Variants in MGAM observed in about 807,000 individuals in gnomAD.
MGAM encodes maltase-glucoamylase, also known as alpha-1,4-glucosidase.
In MGAM, 253 loss-of-function variants were observed where a neutral mutation model predicts 358.8. The ratio of observed to expected loss-of-function variants is 0.71; its 90% CI spans 0.64 to 0.78. MGAM has a LOEUF of 0.78. Among genes scored for constraint, MGAM ranks in the 30% least tolerant of loss-of-function variants. The pLI is 0.00. For missense variants in MGAM, 3,080 were observed against 3,432.6 expected, an observed-to-expected ratio of 0.90 and a Z score of 2.57; for synonymous variants, 1,105 against 1,227.1, an observed-to-expected ratio of 0.90 and a Z score of 2.08.
Position 142,105,884 on chromosome 7 carries a change from C to T in MGAM, c.8255C>T (p.Thr2752Ile). 3 of 1,608,506 alleles carry T rather than the reference C, an allele frequency of 1.9e-6. No individual in the cohort carries two copies. The highest frequency in any genetic ancestry group is 2.6e-6 in the Non-Finnish European group (3 of 1,175,072). Residue 2752 changes from threonine (T) to isoleucine (I), a missense_variant, in exon 71 of 71, where the codon ACT becomes ATT. Physicochemically the swap from Thr to Ile is moderately conservative, Grantham distance 89. Transcript: ENST00000475668. ...HNFTSLTWIS[T>I]L is the part of the protein sequence containing the mutation. ...TTTACTTCATTGACGTGGATAAGCA[C>T]TCTGTGAATTTTTACAGCAAGATTC...
chr7:142,056,356 G>A (rs1811537359), intron 29 of MGAM, among the ~76,000 whole-genome samples: 1 of 152,112 alleles, frequency 6.6e-6, no homozygotes. Context: ...TATCCTGGAG[G>A]GCAGCTCGTG....
At position 142,094,613 on chromosome 7, in the gene MGAM, G is replaced by A. The variant is rs548437011; in HGVS notation, c.7307-7G>A. On this transcript the variant is annotated splice_region_variant and splice_polypyrimidine_tract_variant and intron_variant, in intron 61 of 70. Coordinates refer to ENST00000475668, the MANE Select transcript of MGAM (RefSeq NM_001365693.1). ...CTGGTGTGACACAGCTGTGCTTCTC[G>A]TTGCAGGCATGATGGAGTTCAGCCT... 14 of 1,609,142 alleles carry A rather than the reference G, an allele frequency of 8.7e-6. No individual in the cohort carries two copies. Among genetic ancestry groups the A allele is most frequent in the East Asian group, 2.2e-5 (1 of 44,720 alleles).
chr7:141,996,949 G>T (rs1055343397), intron 1 of MGAM, among the ~76,000 whole-genome samples: 1 of 151,966 alleles, frequency 6.6e-6, no homozygotes, highest in Non-Finnish European at 1.5e-5. Context: ...GTGATAAATT[G>T]TTGTTGGCCC....
chr7:142,008,560 A>C lies in MGAM; in HGVS notation c.182A>C (p.Asp61Ala). The C allele has an allele frequency of 6.2e-7, 1 of 1,612,752 alleles. No homozygotes were observed. Among genetic ancestry groups the C allele is most frequent in the African/African-American group, 1.3e-5 (1 of 74,986 alleles). Residue 61 changes from aspartate (D) to alanine (A), a missense_variant, in exon 3 of 71, where the codon GAT (aspartate) becomes GCT (alanine). Physicochemically the swap from Asp to Ala is moderately radical, Grantham distance 126. Around this residue, in one of 5 missense-constraint regions of MGAM, gnomAD observed 1,816 missense variants for 1,840.5 expected, o/e 0.99. Coordinates refer to ENST00000475668, the MANE Select transcript of MGAM (RefSeq NM_001365693.1). ...TPDPGTTGTP[D>A]PGTTGTTHAR... ...GATCCTGGGACAACTGGTACCCCAG[A>C]TCCTGGAACAACTGGTACCACACAT... is the stretch of plus-strand genomic sequence containing the variant.
At chr7:142,005,936 A>C (rs1584902735) in intron 2 of MGAM, among the ~76,000 whole-genome samples, 2 of 152,222 alleles carry the variant, frequency 1.3e-5, no homozygotes, top group East Asian at 3.9e-4. Flanking sequence ...TTCTGCTAAG[A>C]ATGATAATTA....
At chr7:142,004,132 G>A (rs946627657) in intron 1 of MGAM, among the ~76,000 whole-genome samples, 27 of 152,156 alleles carry the variant, frequency 1.8e-4, no homozygotes, top group African/African-American at 5.3e-4. Context: ...AAATGGTATG[G>A]AGATTTCTCA....
Position 142,040,015 on chromosome 7 carries a change from G to T in MGAM, c.2317-100G>T, listed in dbSNP as rs1169071203. 12 of 899,298 alleles carry T rather than the reference G, an allele frequency of 1.3e-5. No individual in the cohort carries two copies. The East Asian group carries it at 1.6e-4, about 12-fold the overall frequency. 55.7% of individuals were successfully genotyped at this position (899,298 alleles called of 1,614,324 possible). On this transcript the variant is annotated intron_variant, in intron 19 of 70. Coordinates refer to ENST00000475668, the MANE Select transcript of MGAM (RefSeq NM_001365693.1). ...AGCAGAAGAAAGGCATAATAGCAGG[G>T]CATTCCTGCCCTCTCTGTGTATGAT...
At chr7:142,007,867 A>T (rs368137138) in intron 2 of MGAM, among the ~76,000 whole-genome samples, 2 of 152,200 alleles carry the variant, frequency 1.3e-5, no homozygotes, top group South Asian at 2.1e-4. Context: ...TTGGCTGTTG[A>T]CTGAGCAAGC....
At chr7:142,030,527 T>G (rs782323843) in intron 11 of MGAM, 34 bp downstream of exon 11, 1 of 1,612,836 alleles carries the variant, frequency 6.2e-7, no homozygotes, top group South Asian at 1.1e-5. Flanking sequence ...AAATTAGGTA[T>G]TTGCTCCTCC....
intron 57 of MGAM, among the ~76,000 whole-genome samples, chr7:142,088,753 CTAT>C (rs1167125195): frequency 1.8e-5 from 1 of 54,904 alleles, no homozygotes; most frequent in Admixed American, 1.9e-4. Flanking sequence ...GTCTGTCTAT[CTAT>C]CTATCTATCT....
At chr7:142,051,926 A>G (rs1326881486) in intron 24 of MGAM, among the ~76,000 whole-genome samples, 1 of 152,170 alleles carries the variant, frequency 6.6e-6, no homozygotes, top group Admixed American at 6.5e-5. Context: ...AATGGGTGAT[A>G]CTGGTTTGGG....
intron 34 of MGAM, 100 bp from the exon 35 acceptor site, chr7:142,062,468 A>T (rs1812308697): frequency 6.9e-7 from 1 of 1,454,696 alleles, no homozygotes. Context: ...GTCTGTCACC[A>T]TGCAGTTGAA....
upstream of MGAM, among the ~76,000 whole-genome samples, chr7:141,991,611 A>G (rs1311487825): frequency 6.6e-6 from 1 of 151,850 alleles, no homozygotes; most frequent in Non-Finnish European, 1.5e-5. Flanking sequence ...TAATTTTTGT[A>G]TTTTTAGTAG....
chr7:142,017,610 CT>C (rs370181884), intron 3 of MGAM, among the ~76,000 whole-genome samples: 3 of 151,962 alleles, frequency 2.0e-5, no homozygotes, highest in East Asian at 1.9e-4. Flanking sequence ...CTTTTCAACA[CT>C]TTTTTTTCTT....
At chr7:142,101,881 C>G (rs1309784759) in intron 68 of MGAM, among the ~76,000 whole-genome samples, 1 of 148,238 alleles carries the variant, frequency 6.7e-6, no homozygotes, top group Non-Finnish European at 1.5e-5. Flanking sequence ...GCACTCCAGC[C>G]TGGGCAACAA....
chr7:142,066,314 T>A (rs924149206), intron 40 of MGAM, among the ~76,000 whole-genome samples: 2 of 145,980 alleles, frequency 1.4e-5, no homozygotes, highest in African/African-American at 4.9e-5. Flanking sequence ...TGCTTTAGAT[T>A]ATTATTTTTT....
At chr7:142,083,203 G>T in intron 52 of MGAM, 98 bp from the exon 53 acceptor site, 1 of 964,420 alleles carries the variant, frequency 1.0e-6, no homozygotes. Flanking sequence ...ACTACTCTAC[G>T]ATAGGGAGGG....
chr7:142,067,430 G>T lies in MGAM; in HGVS notation c.5004+5G>T. On this transcript the variant is annotated splice_donor_5th_base_variant and intron_variant, in intron 42 of 70. Transcript: ENST00000475668. Reference sequence around the variant, plus strand: ...GTCAGCCCTGTCCTGGAGCGCGTGAGTATGGAGGCCTCCGATGAGGGGAGG... The same window carrying T: ...GTCAGCCCTGTCCTGGAGCGCGTGATTATGGAGGCCTCCGATGAGGGGAGG... The T allele has an allele frequency of 1.3e-6, 2 of 1,550,752 alleles. No individual in the cohort carries two copies. Among genetic ancestry groups the T allele is most frequent in the Non-Finnish European group, 8.9e-7 (1 of 1,128,546 alleles).
chr7:142,095,940 G>T, intron 64 of MGAM: 1 of 725,724 alleles, frequency 1.4e-6, no homozygotes, highest in South Asian at 2.1e-5. Context: ...GTATAGCATA[G>T]AATAATTTCT....
Sources: gnomAD v4.1 joint callset for allele counts (sites outside exome capture counted in the v4.1 genomes callset) on GRCh38, gnomAD v4.1.1 for gene constraint, gnomAD v4.1.1 regional missense constraint, MANE v1.5 for transcripts, NCBI Gene and HGNC (gene_info 2026-07-23, HGNC 2026-07-21) for gene names.